ACACB: variants seen among roughly 807,000 people sequenced by gnomAD.
The protein encoded by ACACB is acetyl-CoA carboxylase 2.
ACACB carries 209 observed loss-of-function variants against 278.8 expected under a neutral mutation model. The observed-to-expected ratio is 0.75, with a 90% CI of 0.67 to 0.84. ACACB has a LOEUF of 0.84. Ranked by LOEUF, ACACB falls within the 40% of genes least tolerant of loss-of-function variation. The pLI is 0.00. For missense variants in ACACB, 2,850 were observed against 3,269.0 expected (o/e 0.87, Z 3.13); for synonymous variants, 1,174 against 1,285.6 (o/e 0.91, Z 1.86).
chr12:109,143,476 A>T (rs1477754690), intron 2 of ACACB, among the ~76,000 whole-genome samples: 1 of 140,798 alleles, frequency 7.1e-6, no homozygotes, highest in Non-Finnish European at 1.6e-5. Flanking sequence ...AAAAAAAAAA[A>T]AAAAAAAATG....
intron 7 of ACACB, 138 bp from the exon 8 acceptor site, chr12:109,175,793 C>T (rs759346394): frequency 1.1e-4 from 72 of 667,772 alleles, no homozygotes; most frequent in Non-Finnish European, 1.7e-4. Context: ...TTGTGAGAAG[C>T]TGAAGGGAGT....
upstream of ACACB, among the ~76,000 whole-genome samples, chr12:109,113,796 G>A (rs774124619): frequency 1.3e-5 from 2 of 152,174 alleles, no homozygotes; most frequent in Non-Finnish European, 2.9e-5. Flanking sequence ...GGAAAAACAG[G>A]TTGCAGGGAG....
rs778538004 is a variant in ACACB at position 109,212,875 on chromosome 12, C to T, written c.3289C>T (p.Arg1097Trp). 1.9e-5 allele frequency: 30 copies of T among 1,614,006 alleles called. 1 individual carries two copies. The highest frequency in any genetic ancestry group is 1.6e-4 in the Middle Eastern group (1 of 6,084). Residue 1097 changes from arginine to tryptophan, a missense_variant, in exon 22 of 53, where the codon CGG becomes TGG. Transcript: ENST00000338432. ...ILDCHAATLQ[R>W]KADREVFFIN... ...GGACTGCCATGCAGCCACCCTGCAGCGGAAGGCTGATCGAGAGGTCTTCTT... is the reference window on the plus strand; with the variant it reads ...GGACTGCCATGCAGCCACCCTGCAGTGGAAGGCTGATCGAGAGGTCTTCTT...
At chr12:109,162,813 C>G (rs2043774152) in intron 2 of ACACB, among the ~76,000 whole-genome samples, 1 of 152,284 alleles carries the variant, frequency 6.6e-6, no homozygotes, top group South Asian at 2.1e-4. Context: ...CCTACCTCAC[C>G]CTACATTGAG....
chr12:109,141,278 C>G (rs1322194513), intron 2 of ACACB, among the ~76,000 whole-genome samples: 3 of 152,144 alleles, frequency 2.0e-5, no homozygotes, highest in Non-Finnish European at 2.9e-5. Context: ...AGCAGAAACT[C>G]AAACACTCTA....
intron 1 of ACACB, among the ~76,000 whole-genome samples, chr12:109,117,047 C>CTTTTTT (rs71747045): frequency 9.2e-6 from 1 of 109,100 alleles, no homozygotes; most frequent in Non-Finnish European, 1.8e-5. Context: ...AATGGTTGTT[C>CTTTTTT]TTTTTTTTTT....
intron 2 of ACACB, among the ~76,000 whole-genome samples, chr12:109,140,294 C>A (rs896491949): frequency 7.8e-6 from 1 of 128,816 alleles, no homozygotes; most frequent in East Asian, 2.2e-4. Context: ...TTCCTTCCTT[C>A]CTTCCTTCCT....
chr12:109,237,462 G>A (rs1282948821), intron 34 of ACACB, 82 bp downstream of exon 34: 6 of 1,411,968 alleles, frequency 4.2e-6, no homozygotes, highest in African/African-American at 1.4e-5. Flanking sequence ...TGGGTCCTGG[G>A]CTGCATGCTG....
intron 44 of ACACB, 74 bp from the exon 45 acceptor site, chr12:109,256,066 G>C: frequency 8.3e-7 from 1 of 1,204,272 alleles, no homozygotes; most frequent in Non-Finnish European, 1.2e-6. Context: ...GGGAGCTTTT[G>C]CACAGCCAGG....
chr12:109,222,785 C>T lies in ACACB; in HGVS notation c.3679-14C>T, dbSNP rs1011789210. 8.7e-6 allele frequency: 14 copies of T among 1,603,720 alleles called. 1 individual carries two copies. The African/African-American group carries it at 1.1e-4, about 12-fold the overall frequency. On this transcript the variant is annotated splice_polypyrimidine_tract_variant and intron_variant, in intron 25 of 52. Transcript: ENST00000338432. Reference sequence around the variant, plus strand: ...GGTTGGCTCACGCCAGCGCCCCCATCCCTCCCCCTGCAGATCCTGATTGCC... The same window carrying T: ...GGTTGGCTCACGCCAGCGCCCCCATTCCTCCCCCTGCAGATCCTGATTGCC...
rs2043395860 is a variant in ACACB at position 109,152,318 on chromosome 12, A to G, written c.653+12260A>G. ...CCTATTTTGAGGTGGTTACATTTAC[A>G]CTGGGGATATTTGGGGGATGAATAC... On this transcript the variant is annotated intron_variant, in intron 2 of 52. Coordinates refer to ENST00000338432, the MANE Select transcript of ACACB (RefSeq NM_001093.4). Among the ~76,000 whole-genome samples, 4 of 152,226 alleles carry G rather than the reference A, an allele frequency of 2.6e-5. No homozygotes were observed. In the South Asian group the frequency reaches 8.3e-4, roughly 32 times the overall value.
At chr12:109,265,992 C>T (rs1387764699) in intron 52 of ACACB, among the ~76,000 whole-genome samples, 1 of 152,214 alleles carries the variant, frequency 6.6e-6, no homozygotes, top group Non-Finnish European at 1.5e-5. Flanking sequence ...AGACTCAAGG[C>T]AGTGTCTTGT....
intron 38 of ACACB, 73 bp downstream of exon 38, chr12:109,245,821 G>A: frequency 1.3e-6 from 2 of 1,560,650 alleles, no homozygotes; most frequent in Non-Finnish European, 1.7e-6. Context: ...AGGTGCAGTA[G>A]CTCACACCTG....
rs1457108859 is a variant in ACACB at position 109,167,073 on chromosome 12, C to T, written c.786+80C>T. ...TCCTCTCAGCTGGAGGTGGGAGATT[C>T]GGGTTCAGGCTCATTCTGCCTGCTG... On this transcript the variant is annotated intron_variant, in intron 3 of 52. Transcript: ENST00000338432. The T allele has an allele frequency of 3.4e-5, 54 of 1,586,508 alleles. No individual in the cohort carries two copies. The Admixed American group carries it at 4.6e-4, about 13-fold the overall frequency.
upstream of ACACB, among the ~76,000 whole-genome samples, chr12:109,113,703 G>A (rs34260): frequency 0.54 from 81,625 of 152,140 alleles, 23,633 homozygotes; most frequent in African/African-American, 0.76. Context: ...GTCTTCGCAA[G>A]TATGTTTGGT....
chr12:109,111,976 C>G (rs901368910), upstream of ACACB, among the ~76,000 whole-genome samples: 2 of 151,708 alleles, frequency 1.3e-5, no homozygotes, highest in South Asian at 4.1e-4. Context: ...GGATCTTCCT[C>G]TAAACAACAG....
At chr12:109,167,643 A>ATATATATATATATATATATT (rs1417620102) in intron 3 of ACACB, among the ~76,000 whole-genome samples, 2 of 135,580 alleles carry the variant, frequency 1.5e-5, no homozygotes, top group African/African-American at 5.6e-5. Flanking sequence ...ATATATATAT[A>ATATATATATATATATATATT]TATATATATA....
chr12:109,218,673 A>ATTT, intron 24 of ACACB, among the ~76,000 whole-genome samples: 1 of 123,956 alleles, frequency 8.1e-6, no homozygotes, highest in African/African-American at 3.1e-5. Context: ...TTTTTTTTTG[A>ATTT]GATGGAGTCT....
chr12:109,259,742 C>G (rs575611742), intron 47 of ACACB, among the ~76,000 whole-genome samples: 2 of 152,142 alleles, frequency 1.3e-5, no homozygotes, highest in African/African-American at 4.8e-5. Flanking sequence ...GTTTGTCCAC[C>G]CTTCCCTCTG....
Sources: gnomAD v4.1 joint callset for allele counts (sites outside exome capture counted in the v4.1 genomes callset) on GRCh38, gnomAD v4.1.1 for gene constraint, MANE v1.5 for transcripts, NCBI Gene and HGNC (gene_info 2026-07-23, HGNC 2026-07-21) for gene names.